The following ARHGAP25 variants were observed in gnomAD, a reference collection of about 807,000 sequenced individuals.
ARHGAP25 encodes rho GTPase-activating protein 25.
In ARHGAP25, 34 loss-of-function variants were observed where a neutral mutation model predicts 71.0. The ratio of observed to expected loss-of-function variants is 0.48; its 90% confidence interval spans 0.36 to 0.64. ARHGAP25 has a LOEUF of 0.64. Among genes scored for constraint, ARHGAP25 ranks in the 30% least tolerant of loss-of-function variants. The pLI, the probability that ARHGAP25 is intolerant of heterozygous loss-of-function variation, is 0.00. For synonymous variants in ARHGAP25, 282 were observed against 296.5 expected, an observed-to-expected ratio of 0.95 and a Z score of 0.50; for missense variants, 706 against 805.1, an observed-to-expected ratio of 0.88 and a Z score of 1.49.
chr2:68,821,160 G>C (rs147655636), intron 9 of ARHGAP25, among the ~76,000 whole-genome samples: 8 of 143,452 alleles, frequency 5.6e-5, no homozygotes, highest in African/African-American at 2.1e-4. Context: ...GCGGTGGTGC[G>C]ATCACAGCTT....
intron 1 of ARHGAP25, among the ~76,000 whole-genome samples, chr2:68,753,221 C>T (rs79646975): frequency 0.017 from 2,660 of 152,230 alleles, 73 homozygotes; most frequent in African/African-American, 0.059. Flanking sequence ...AAAATAAAGA[C>T]GTAGAGAAAT....
At chr2:68,818,037 C>A in intron 8 of ARHGAP25, 43 bp downstream of exon 8, 1 of 1,609,274 alleles carries the variant, frequency 6.2e-7, no homozygotes, top group Non-Finnish European at 8.5e-7. Flanking sequence ...CAGGAAATAA[C>A]AATTACAACA....
chr2:68,794,451 C>T (rs1038819328), intron 4 of ARHGAP25, among the ~76,000 whole-genome samples: 1 of 152,020 alleles, frequency 6.6e-6, no homozygotes, highest in Non-Finnish European at 1.5e-5. Flanking sequence ...CCTCCTATGC[C>T]TAGTTTGTTG....
In ARHGAP25 at chr2:68,819,142, A is replaced by C; in HGVS notation, c.1023A>C (p.Arg341Ser). 6.4e-7 allele frequency: 1 copy of C among 1,568,940 alleles called. No individual in the cohort carries two copies. Among genetic ancestry groups the C allele is most frequent in the African/African-American group, 1.4e-5 (1 of 73,360 alleles). ...VIMRGTPQIQ[R>S]VMTMMIRDHE... ...TTTCAGGGACTCCTCAGATCCAAAG[A>C]GTGATGACTATGATGATCAGAGACC... Residue 341 changes from arginine to serine, a missense_variant, in exon 9 of 11, where the codon AGA (arginine) becomes AGC (serine). Physicochemically the swap from Arg to Ser is moderately radical, Grantham distance 110 (BLOSUM62 -1). Coordinates refer to ENST00000409202, the MANE Select transcript of ARHGAP25 (RefSeq NM_001007231.3).
intron 4 of ARHGAP25, among the ~76,000 whole-genome samples, chr2:68,806,093 T>C (rs1185732149): frequency 2.0e-5 from 3 of 152,202 alleles, no homozygotes; most frequent in Non-Finnish European, 2.9e-5. Context: ...GGAGGCAGGG[T>C]AATTTGGGAA....
rs549413451 is a variant in ARHGAP25, at chr2:68,798,555, C to A, written c.467-8718C>A. On this transcript the variant is annotated intron_variant, in intron 4 of 10. Coordinates refer to ENST00000409202, the MANE Select transcript of ARHGAP25 (RefSeq NM_001007231.3). ...CCAAAGTCTTTTCTCTCAAAGAGCT[C>A]ACAAGCTAGGAGAAGACACAGCAAT... Among the ~76,000 whole-genome samples the A allele has an allele frequency of 6.6e-5, 10 of 150,390 alleles. No individual in the cohort carries two copies. In the South Asian group the frequency reaches 2.1e-3, roughly 31 times the overall value.
rs750730317 is a variant in ARHGAP25, at chr2:68,782,263, A to G, written c.292A>G (p.Lys98Glu). The part of the protein sequence containing the change: ...GCMYLPGCTI[K>E]EIATNPEEAG... ...CATGTATCTACCAGGATGTACAATC[A>G]AGGAGATCGCCACAAACCCAGAAGA... Residue 98 changes from lysine (K) to glutamate (E), a missense_variant, in exon 3 of 11, where the codon AAG becomes GAG. Lys to Glu is a moderately conservative substitution (Grantham distance 56, BLOSUM62 1). Coordinates refer to ENST00000409202, the MANE Select transcript of ARHGAP25 (RefSeq NM_001007231.3). The G allele has an allele frequency of 3.7e-6, 6 of 1,614,138 alleles. No individual in the cohort carries two copies. The highest frequency in any genetic ancestry group is 5.1e-6 in the Non-Finnish European group (6 of 1,180,004).
chr2:68,748,093 A>G (rs1278763597), intron 1 of ARHGAP25, among the ~76,000 whole-genome samples: 1 of 152,116 alleles, frequency 6.6e-6, no homozygotes, highest in East Asian at 1.9e-4. Flanking sequence ...TGCCCGTGGG[A>G]TCAGGCCCCT....
chr2:68,768,117 A>G (rs1415283921), intron 1 of ARHGAP25, among the ~76,000 whole-genome samples: 4 of 152,184 alleles, frequency 2.6e-5, no homozygotes, highest in Admixed American at 2.6e-4. Context: ...TGTTAACTGG[A>G]GCAGATCATT....
chr2:68,736,749 T>G (rs1267783572), intron 1 of ARHGAP25, among the ~76,000 whole-genome samples: 2 of 152,162 alleles, frequency 1.3e-5, no homozygotes, highest in Non-Finnish European at 2.9e-5. Flanking sequence ...TATATCAGAC[T>G]CACATCAAGT....
At chr2:68,805,449 C>T (rs541721761) in intron 4 of ARHGAP25, among the ~76,000 whole-genome samples, 20 of 152,070 alleles carry the variant, frequency 1.3e-4, no homozygotes, top group Admixed American at 2.6e-4. Context: ...TCTCACCTCC[C>T]AACACCTGAT....
intron 1 of ARHGAP25, among the ~76,000 whole-genome samples, chr2:68,762,889 G>A (rs1377490179): frequency 6.6e-6 from 1 of 152,112 alleles, no homozygotes; most frequent in Non-Finnish European, 1.5e-5. Flanking sequence ...GACCTTGGGT[G>A]ATAAAAGGGA....
At chr2:68,824,363 C>T (rs1681935019) in intron 10 of ARHGAP25, among the ~76,000 whole-genome samples, 1 of 152,194 alleles carries the variant, frequency 6.6e-6, no homozygotes, top group Non-Finnish European at 1.5e-5. Flanking sequence ...TGGTCAGGAT[C>T]TAGCACAGTG....
intron 1 of ARHGAP25, among the ~76,000 whole-genome samples, chr2:68,756,635 G>T (rs552079023): frequency 7.2e-5 from 11 of 152,110 alleles, no homozygotes; most frequent in Non-Finnish European, 1.6e-4. Flanking sequence ...GCTGATCCTT[G>T]GCAACCTACA....
chr2:68,802,941 ATG>A (rs1680105239), intron 4 of ARHGAP25, among the ~76,000 whole-genome samples: 3 of 151,078 alleles, frequency 2.0e-5, no homozygotes, highest in East Asian at 1.9e-4. Context: ...ATATACACAT[ATG>A]TGTGTGTATA....
In ARHGAP25 at chr2:68,802,883, C is replaced by T. The variant is rs150641849; in HGVS notation, c.467-4390C>T. The stretch of plus-strand genomic sequence containing the variant: ...TTATTCTTTCATAAATTATATCTAT[C>T]AATCCATATGTACACACACATATAT... On this transcript the variant is annotated intron_variant, in intron 4 of 10. Transcript: ENST00000409202. Among the ~76,000 whole-genome samples, 40 of 151,536 alleles carry T rather than the reference C, an allele frequency of 2.6e-4. No homozygotes were observed. The East Asian group carries it at 6.6e-3, about 25-fold the overall frequency.
chr2:68,723,362 G>T (rs1432814999), intron 2 of ARHGAP25, among the ~76,000 whole-genome samples: 1 of 152,166 alleles, frequency 6.6e-6, no homozygotes, highest in African/African-American at 2.4e-5. Context: ...CCACATCCTG[G>T]TGGGATGCAG....
At chr2:68,714,769 G>A (rs12476871) in intron 2 of ARHGAP25, among the ~76,000 whole-genome samples, 35,717 of 151,916 alleles carry the variant, frequency 0.24, 4,455 homozygotes, top group East Asian at 0.37. Context: ...AGCAGGCACA[G>A]CCTTCATCCT....
At chr2:68,714,119 C>CT (rs34795975) in intron 2 of ARHGAP25, among the ~76,000 whole-genome samples, 24 of 151,348 alleles carry the variant, frequency 1.6e-4, no homozygotes, top group Admixed American at 3.3e-4. Context: ...TGGTCCTTGG[C>CT]TTTTTTTTTG....
Sources: gnomAD v4.1 joint callset for allele counts (sites outside exome capture counted in the v4.1 genomes callset) on GRCh38, gnomAD v4.1.1 for gene constraint, MANE v1.5 for transcripts, NCBI Gene and HGNC (gene_info 2026-07-23, HGNC 2026-07-21) for gene names.